XPA: variants seen among roughly 807,000 people sequenced by gnomAD.
XPA encodes XPA, DNA damage recognition and repair factor.
XPA carries 27 observed loss-of-function variants against 35.7 expected under a neutral mutation model. The ratio of observed to expected loss-of-function variants is 0.76; its 90% CI spans 0.56 to 1.04. The LOEUF is 1.04. Among genes scored for constraint, XPA ranks in the 50% least tolerant of loss-of-function variants. XPA has a pLI of 0.00. For missense variants in XPA, 354 were observed against 342.7 expected, an observed-to-expected ratio of 1.03 and a Z score of -0.26; for synonymous variants, 133 against 118.4, an observed-to-expected ratio of 1.12 and a Z score of -0.80.
Position 97,682,319 on chromosome 9 carries a change from C to G in XPA, c.673+2604G>C, listed in dbSNP as rs181999181. 6.4e-4 allele frequency: 332 copies of G among 518,914 alleles called. 3 individuals carry two copies. In the East Asian group the frequency reaches 0.017, roughly 26 times the overall value. 32.1% of individuals were successfully genotyped at this position (518,914 alleles called of 1,614,324 possible). A position where few individuals can be genotyped will look rare whatever the true frequency, so the allele number is the denominator to read the frequency against. Reference sequence around the variant, plus strand: ...CTTTTAGACTTGCTTTTATTCCTCTCTGTTCTGAGCCTTCTGAGAAAACTG... The same window carrying G: ...CTTTTAGACTTGCTTTTATTCCTCTGTGTTCTGAGCCTTCTGAGAAAACTG... On this transcript the variant is annotated intron_variant, in intron 5 of 5. Transcript: ENST00000375128.
chr9:97,677,402 G>A (rs1010665961), intron 5 of XPA, among the ~76,000 whole-genome samples: 2 of 152,102 alleles, frequency 1.3e-5, no homozygotes, highest in African/African-American at 2.4e-5. Context: ...GAAAGTATTC[G>A]GGGCCAGGTG....
chr9:97,677,012 C>G (rs1051966356), intron 5 of XPA, among the ~76,000 whole-genome samples: 1 of 152,086 alleles, frequency 6.6e-6, no homozygotes, highest in Non-Finnish European at 1.5e-5. Context: ...CACAGATGCC[C>G]TCTGGTTTCA....
At chr9:97,659,448 A>C in the XPA span, among the ~76,000 whole-genome samples, 1 of 152,118 alleles carries the variant, frequency 6.6e-6, no homozygotes, top group Non-Finnish European at 1.5e-5. Context: ...TCTGTCTCTG[A>C]CTGTACCTGT....
chr9:97,696,745 T>C (rs932059449), intron 1 of XPA, among the ~76,000 whole-genome samples: 2 of 152,194 alleles, frequency 1.3e-5, no homozygotes, highest in Non-Finnish European at 2.9e-5. Context: ...GAGGCCAGAA[T>C]CAAGAACTAG....
the XPA span, chr9:97,669,800 T>C: frequency 5.9e-6 from 5 of 851,876 alleles, no homozygotes; most frequent in Non-Finnish European, 9.9e-6. Flanking sequence ...TAGGAGGTTA[T>C]ATAGTACCTG....
rs3176692 is a variant in XPA at position 97,685,072 on chromosome 9, G to A, written c.556-32C>T. On this transcript the variant is annotated intron_variant, in intron 4 of 5. Transcript: ENST00000375128. The stretch of plus-strand genomic sequence containing the variant: ...CACAAAATCCATATTTAAATAAGTT[G>A]TGATTCAGACTTGCGAAATATTATA... The A allele has an allele frequency of 1.9e-3, 2,992 of 1,585,810 alleles. 52 individuals are homozygous for A. In the African/African-American group the frequency reaches 0.036, roughly 19 times the overall value.
At chr9:97,691,389 T>C (rs1828882877) in intron 2 of XPA, among the ~76,000 whole-genome samples, 1 of 152,152 alleles carries the variant, frequency 6.6e-6, no homozygotes, top group South Asian at 2.1e-4. Context: ...AAGAACTGTT[T>C]CTCCCAGCAA....
intron 4 of XPA, among the ~76,000 whole-genome samples, chr9:97,685,938 A>G (rs896990087): frequency 6.6e-6 from 1 of 152,230 alleles, no homozygotes; most frequent in African/African-American, 2.4e-5. Flanking sequence ...GTCGTGATAT[A>G]TGACAAACTA....
At chr9:97,655,485 T>C in the XPA span, among the ~76,000 whole-genome samples, 3 of 152,200 alleles carry the variant, frequency 2.0e-5, no homozygotes, top group African/African-American at 7.2e-5. Flanking sequence ...AATAAACATG[T>C]TAGGTGCCCG....
chr9:97,675,445 T>A lies in XPA; in HGVS notation c.816A>T (p.Lys272Asn). The change falls in exon 6 of 6, where the codon AAA becomes AAT. Residue 272 changes from lysine to asparagine, a missense_variant. Transcript: ENST00000375128. ...TMCGHELTYEKM is the reference protein window; with the variant it reads ...TMCGHELTYENM ...AGGTCACTGAACTAAAAAATCACAT[T>A]TTTTCATATGTCAGTTCATGGCCAC... 2 of 1,613,230 alleles carry A rather than the reference T, an allele frequency of 1.2e-6. No homozygotes were observed. Among genetic ancestry groups the A allele is most frequent in the South Asian group, 1.1e-5 (1 of 90,630 alleles).
At position 97,697,273 on chromosome 9, in the gene XPA, G is replaced by C. The variant is rs1228453951; in HGVS notation, c.20C>G (p.Ala7Gly). MAAADG[A>G]LPEAAALEQP... ...CTCTAAAGCCGCCGCCTCCGGCAAA[G>C]CCCCGTCGGCCGCCGCCATCTCTGG... Residue 7 changes from alanine to glycine, a missense_variant, in exon 1 of 6, where the codon GCT (alanine) becomes GGT (glycine). Coordinates refer to ENST00000375128, the MANE Select transcript of XPA (RefSeq NM_000380.4). The C allele has an allele frequency of 8.1e-6, 13 of 1,598,560 alleles. No individual in the cohort carries two copies. The highest frequency in any genetic ancestry group is 1.1e-5 in the Non-Finnish European group (13 of 1,179,204).
chr9:97,671,153 C>T, downstream of XPA: 3 of 1,613,820 alleles, frequency 1.9e-6, no homozygotes, highest in African/African-American at 2.7e-5. Flanking sequence ...GAATTAGACC[C>T]TCATATCTTG....
the XPA span, among the ~76,000 whole-genome samples, chr9:97,668,517 T>G: frequency 6.6e-6 from 1 of 152,184 alleles, no homozygotes; most frequent in Non-Finnish European, 1.5e-5. Flanking sequence ...GATGAATGAT[T>G]AGCAAGCTGT....
chr9:97,661,732 GTTT>G, the XPA span, among the ~76,000 whole-genome samples: 4,642 of 113,050 alleles, frequency 0.041, 244 homozygotes, highest in African/African-American at 0.13. Context: ...AAGCTTAAGT[GTTT>G]TTTTTTTTTT....
chr9:97,655,987 G>A, the XPA span: 1 of 1,603,034 alleles, frequency 6.2e-7, no homozygotes, highest in Non-Finnish European at 8.5e-7. Flanking sequence ...TGTAAGCATT[G>A]ATAAAACTAC....
chr9:97,656,538 G>A, the XPA span, among the ~76,000 whole-genome samples: 21 of 152,156 alleles, frequency 1.4e-4, no homozygotes, highest in Admixed American at 1.3e-3. Flanking sequence ...CCGACAGAGC[G>A]ACACTCTTAT....
chr9:97,657,885 G>GCTCTCTCTCTCTCTCT, the XPA span, among the ~76,000 whole-genome samples: 955 of 113,862 alleles, frequency 8.4e-3, 23 homozygotes, highest in African/African-American at 0.033. Flanking sequence ...GCCCCGGTAA[G>GCTCTCTCTCTCTCTCT]CTCTCTCTCT....
the XPA span, among the ~76,000 whole-genome samples, chr9:97,656,260 A>T: frequency 6.6e-6 from 1 of 152,240 alleles, no homozygotes; most frequent in Non-Finnish European, 1.5e-5. Flanking sequence ...TATAGATTCC[A>T]TGTGAATTTA....
intron 5 of XPA, among the ~76,000 whole-genome samples, chr9:97,679,726 T>C (rs1587739632): frequency 6.6e-6 from 1 of 152,210 alleles, no homozygotes; most frequent in East Asian, 1.9e-4. Flanking sequence ...GATATTCACA[T>C]AGTATTAGAT....
Sources: gnomAD v4.1 joint callset for allele counts (sites outside exome capture counted in the v4.1 genomes callset) on GRCh38, gnomAD v4.1.1 for gene constraint, MANE v1.5 for transcripts, NCBI Gene and HGNC (gene_info 2026-07-23, HGNC 2026-07-21) for gene names.